TMEM82: variants seen among roughly 807,000 people sequenced by gnomAD.
The protein encoded by TMEM82 is transmembrane protein 82.
TMEM82 carries 30 observed loss-of-function variants against 29.2 expected under a neutral mutation model. That is an observed-to-expected ratio of 1.03 (90% confidence interval 0.77 to 1.39). The LOEUF (loss-of-function observed/expected upper bound fraction) is 1.39, where lower values mean the gene tolerates loss of function less well. TMEM82 is among the 40% of genes most tolerant of loss of function. TMEM82 has a pLI of 0.00. For synonymous variants in TMEM82, 221 were observed against 225.4 expected (o/e 0.98, Z 0.18); for missense variants, 442 against 447.7 (o/e 0.99, Z 0.12).
intron 1 of TMEM82, 73 bp downstream of exon 1, chr1:15,742,720 C>T: frequency 6.6e-7 from 1 of 1,525,754 alleles, no homozygotes; most frequent in African/African-American, 1.4e-5. Flanking sequence ...TGGACCCCAC[C>T]CACCTGGTCT....
At chr1:15,747,341 C>T (rs1277723841) in intron 5 of TMEM82, among the ~76,000 whole-genome samples, 1 of 151,876 alleles carries the variant, frequency 6.6e-6, no homozygotes, top group Non-Finnish European at 1.5e-5. Flanking sequence ...GGGTCAGGGG[C>T]AGAGGGAGCT....
chr1:15,747,809 A>G lies in TMEM82; in HGVS notation c.*177A>G. The G allele has an allele frequency of 3.6e-6, 2 of 549,698 alleles. No homozygotes were observed. Among genetic ancestry groups the G allele is most frequent in the Non-Finnish European group, 6.2e-6 (2 of 322,944 alleles). The allele number at this position is 549,698 out of a possible 1,614,324, so 34.1% of individuals were successfully genotyped here. A position where few individuals can be genotyped will look rare whatever the true frequency, so the allele number is the denominator to read the frequency against. ...AGGATTTGGGGATGGGAGCCTCTGG[A>G]GAGGGGACACCTGGGGACCCCTGGT... On this transcript the variant is annotated 3_prime_UTR_variant, in exon 6 of 6. Transcript: ENST00000375782.
Position 15,743,187 on chromosome 1 carries a change from TG to T in TMEM82, c.332del (p.Gly111AlafsTer25). ...CGGGCCGTGTCCACGCTGCTGTCCC[TG>T]GGCAAGGTGAGGCCTCCGGGAAGGC... ...SLRAVSTLLSLGKGSQGAAER... is the reference protein window; with the variant it reads ...SLRAVSTLLSXGKGSQGAAER... On this transcript the variant is annotated frameshift_variant, in exon 3 of 6. Coordinates refer to ENST00000375782, the MANE Select transcript of TMEM82 (RefSeq NM_001013641.3). LOFTEE classifies it high-confidence loss of function. 1 of 1,607,064 alleles carries T rather than the reference TG, an allele frequency of 6.2e-7. No homozygotes were observed.
intron 5 of TMEM82, 75 bp from the exon 6 acceptor site, chr1:15,747,471 C>G: frequency 7.7e-7 from 1 of 1,294,652 alleles, no homozygotes; most frequent in Non-Finnish European, 1.1e-6. Flanking sequence ...GGAGGAAGTG[C>G]CCGGGTCACT....
rs201466858 is a variant in TMEM82, at chr1:15,747,029, C to CGA, written c.920_921insGA (p.Leu308ThrfsTer106). The CGA allele has an allele frequency of 0.023, 37,223 of 1,609,570 alleles. 530 individuals are homozygous for CGA. The highest frequency in any genetic ancestry group is 0.027 in the Non-Finnish European group (31,578 of 1,178,992). On this transcript the variant is annotated frameshift_variant, in exon 5 of 6. Coordinates refer to ENST00000375782, the MANE Select transcript of TMEM82 (RefSeq NM_001013641.3). LOFTEE classifies it low-confidence loss of function (END_TRUNC). The stretch of plus-strand genomic sequence containing the variant: ...CTCTGGTGTCTCGTGGGCGTCCGCA[C>CGA]CCTGCTTGACCTCTGCCAGATACAG...
rs780704397 is a variant in TMEM82, at chr1:15,743,111, A to G, written c.253A>G (p.Thr85Ala). 7 of 1,611,868 alleles carry G rather than the reference A, an allele frequency of 4.3e-6. No individual in the cohort carries two copies. The African/African-American group carries it at 9.3e-5, about 22-fold the overall frequency. ...CCTGGCAGGGCTGGCCCTGTTTCTG[A>G]CGGTCGTGGGGTCCCGGGTGGCTGC... The part of the protein sequence containing the change: ...VHLAGLALFL[T>A]VVGSRVAALV... Residue 85 changes from threonine to alanine, a missense_variant, in exon 3 of 6, where the codon ACG (threonine) becomes GCG (alanine). By Grantham distance (58) the Thr-to-Ala change is moderately conservative. Coordinates refer to ENST00000375782, the MANE Select transcript of TMEM82 (RefSeq NM_001013641.3).
rs1313847527 is a variant in TMEM82, at chr1:15,744,025, G to A, written c.337-135G>A. On this transcript the variant is annotated intron_variant, in intron 3 of 5. Coordinates refer to ENST00000375782, the MANE Select transcript of TMEM82 (RefSeq NM_001013641.3). The surrounding 1 kb of genome is among the most constrained non-coding windows in gnomAD (Gnocchi z 5.2). ...TTAAGGTGAGAGAGATGATCCCCTA[G>A]GGCTTCATCTGAAGCCGATGTGGCC... 1 of 767,472 alleles carries A rather than the reference G, an allele frequency of 1.3e-6. No individual in the cohort carries two copies. Among genetic ancestry groups the A allele is most frequent in the Non-Finnish European group, 2.0e-6 (1 of 495,696 alleles). The allele number at this position is 767,472 out of a possible 1,614,324, so 47.5% of individuals were successfully genotyped here.
chr1:15,746,383 A>T (rs1021393061), intron 4 of TMEM82, among the ~76,000 whole-genome samples: 12 of 148,390 alleles, frequency 8.1e-5, no homozygotes, highest in Non-Finnish European at 1.5e-4. Context: ...ACTGCACTCC[A>T]GCCTGGGCGA....
At position 15,742,525 on chromosome 1, in the gene TMEM82, C is replaced by A. The variant is rs2068297479; in HGVS notation, c.-35C>A. ...TGACGTTGGTCTGTCCTTACGCAGA[C>A]CTGGCCGGAGGCTGGGGCTCCTTCC... is the stretch of plus-strand genomic sequence containing the variant. On this transcript the variant is annotated 5_prime_UTR_variant, in exon 1 of 6. Transcript: ENST00000375782. The A allele has an allele frequency of 2.0e-6, 3 of 1,536,578 alleles. No individual in the cohort carries two copies. The highest frequency in any genetic ancestry group is 1.8e-6 in the Non-Finnish European group (2 of 1,140,636).
At position 15,744,563 on chromosome 1, in the gene TMEM82, T is replaced by G. The variant is rs148441284; in HGVS notation, c.740T>G (p.Leu247Arg). 6.2e-4 allele frequency: 991 copies of G among 1,610,058 alleles called. No individual in the cohort carries two copies. The highest frequency in any genetic ancestry group is 7.1e-4 in the Non-Finnish European group (831 of 1,178,296). ...WTPLTICYTLLVIYMQEEQRQ... is the reference protein window; with the variant it reads ...WTPLTICYTLRVIYMQEEQRQ... ...CCGCTCACCATCTGCTACACGCTGCTGGTCATCTACATGCAGGGTGAGCGC... is the reference window on the plus strand; with the variant it reads ...CCGCTCACCATCTGCTACACGCTGCGGGTCATCTACATGCAGGGTGAGCGC... The change falls in exon 4 of 6, where the codon CTG becomes CGG. Residue 247 changes from leucine (L) to arginine (R), a missense_variant. Leu to Arg is a moderately radical substitution (Grantham distance 102). Transcript: ENST00000375782. The surrounding 1 kb of genome is among the most constrained non-coding windows in gnomAD (Gnocchi z 5.2).
At chr1:15,743,327 A>G in intron 3 of TMEM82, 133 bp downstream of exon 3, 1 of 1,155,452 alleles carries the variant, frequency 8.7e-7, no homozygotes, top group South Asian at 1.6e-5. Context: ...GACTGAGAAC[A>G]GAGGCTGCAG....
At chr1:15,746,824 C>G (rs749643198) in intron 4 of TMEM82, 43 bp from the exon 5 acceptor site, 3 of 1,517,320 alleles carry the variant, frequency 2.0e-6, no homozygotes, top group Non-Finnish European at 2.6e-6. Context: ...AGGTCCAGTC[C>G]GGGGTGTGTG....
At position 15,743,087 on chromosome 1, in the gene TMEM82, C is replaced by T. The variant is rs757918096; in HGVS notation, c.229C>T (p.Leu77=). The change falls in exon 3 of 6, where the codon CTG becomes TTG. Residue 77 remains leucine (L), a synonymous_variant. Transcript: ENST00000375782. ...AQWASLETVH[L]AGLALFLTVV... is the part of the protein sequence containing the mutation. ...GTGGGCCTCCCTGGAAACGGTGCAC[C>T]TGGCAGGGCTGGCCCTGTTTCTGAC... The T allele has an allele frequency of 1.2e-6, 2 of 1,610,726 alleles. No individual in the cohort carries two copies. The highest frequency in any genetic ancestry group is 1.7e-5 in the Admixed American group (1 of 59,610).
Position 15,746,920 on chromosome 1 carries a change from C to G in TMEM82, c.811C>G (p.Arg271Gly). The G allele has an allele frequency of 6.2e-7, 1 of 1,607,190 alleles. No homozygotes were observed. Among genetic ancestry groups the G allele is most frequent in the Non-Finnish European group, 8.5e-7 (1 of 1,179,592 alleles). The change falls in exon 5 of 6, where the codon CGC (arginine) becomes GGC (glycine). Residue 271 changes from arginine (R) to glycine (G), a missense_variant. Physicochemically the swap from Arg to Gly is moderately radical, Grantham distance 125. Transcript: ENST00000375782. ...GAGCCAGGTGCAGACGGTGCTGGTG[C>G]GCATGGGCGGCCTCTTCGTGCTGCT... ...LQSQVQTVLV[R>G]MGGLFVLLLT...
At chr1:15,746,200 G>A (rs1477604287) in intron 4 of TMEM82, among the ~76,000 whole-genome samples, 1 of 151,524 alleles carries the variant, frequency 6.6e-6, no homozygotes, top group Non-Finnish European at 1.5e-5. Flanking sequence ...ACAAAAAAAC[G>A]GGGCCAAGCA....
rs139059704 is a variant in TMEM82, at chr1:15,743,055, G to T, written c.197G>T (p.Arg66Leu). The T allele has an allele frequency of 6.2e-7, 1 of 1,604,682 alleles. No homozygotes were observed. Among genetic ancestry groups the T allele is most frequent in the African/African-American group, 1.3e-5 (1 of 74,756 alleles). Residue 66 changes from arginine to leucine, a missense_variant, in exon 3 of 6, where the codon CGG (arginine) becomes CTG (leucine). Physicochemically the swap from Arg to Leu is moderately radical, Grantham distance 102. Coordinates refer to ENST00000375782, the MANE Select transcript of TMEM82 (RefSeq NM_001013641.3). Reference sequence around the variant, plus strand: ...CGGCGACCCGAAAAGGAGCGGCTTCGGGCCCAGTGGGCCTCCCTGGAAACG... The same window carrying T: ...CGGCGACCCGAAAAGGAGCGGCTTCTGGCCCAGTGGGCCTCCCTGGAAACG... Reference protein sequence around the residue: ...PQRRPEKERLRAQWASLETVH... With the variant: ...PQRRPEKERLLAQWASLETVH...
At chr1:15,746,832 G>A in intron 4 of TMEM82, 35 bp from the exon 5 acceptor site, 1 of 1,528,534 alleles carries the variant, frequency 6.5e-7, no homozygotes, top group Non-Finnish European at 8.8e-7. Context: ...TCCGGGGTGT[G>A]TGGTCGGACG....
At position 15,742,598 on chromosome 1, in the gene TMEM82, C is replaced by A; in HGVS notation, c.39C>A (p.Gly13=). The change falls in exon 1 of 6, where the codon GGC becomes GGA. Residue 13 remains glycine (G), a synonymous_variant. Transcript: ENST00000375782. The part of the protein sequence containing the change: ...SLPSLPSWLP[G]LPSLEWGSSL... ...CATCCCTCCCCTCCTGGCTCCCCGG[C>A]CTCCCCTCCCTCGAGTGGGGCTCTA... The A allele has an allele frequency of 6.2e-7, 1 of 1,604,634 alleles. No individual in the cohort carries two copies. Among genetic ancestry groups the A allele is most frequent in the South Asian group, 1.1e-5 (1 of 90,092 alleles).
At position 15,744,689 on chromosome 1, in the gene TMEM82, C is replaced by A. The variant is rs1287858547; in HGVS notation, c.757+109C>A. ...CCCTCACTCTTGCCATCCCAGAGAG[C>A]CTGGTCAGGACAGAGGCTGTGTGGC... On this transcript the variant is annotated intron_variant, in intron 4 of 5. Transcript: ENST00000375782. The surrounding 1 kb of genome is among the most constrained non-coding windows in gnomAD (Gnocchi z 5.2). 13 of 1,335,816 alleles carry A rather than the reference C, an allele frequency of 9.7e-6. No homozygotes were observed. The highest frequency in any genetic ancestry group is 2.5e-4 in the Middle Eastern group (1 of 4,050). 82.7% of individuals were successfully genotyped at this position (1,335,816 alleles called of 1,614,324 possible).
Sources: allele counts gnomAD v4.1 joint callset (sites outside exome capture counted in the v4.1 genomes callset), GRCh38; gene constraint gnomAD v4.1.1; non-coding constraint Gnocchi (gnomAD v3.1); transcripts MANE v1.5; gene names NCBI Gene and HGNC (gene_info 2026-07-23, HGNC 2026-07-21).